The following GRAMD4 variants were observed in gnomAD, a reference collection of about 807,000 sequenced individuals.
GRAMD4 encodes the protein GRAM domain containing 4.
Under a neutral mutation model 83.9 loss-of-function variants are expected in GRAMD4, and 25 were observed. The ratio of observed to expected loss-of-function variants is 0.30; its 90% CI spans 0.22 to 0.42. GRAMD4 has a LOEUF of 0.42. Ranked by LOEUF, GRAMD4 falls within the 10% of genes least tolerant of loss-of-function variation. The pLI is 1.00. For missense variants in GRAMD4, 593 were observed against 788.7 expected (o/e 0.75, Z 2.97); for synonymous variants, 336 against 320.9 (o/e 1.05, Z -0.50).
At chr22:46,663,949 A>G (rs2082369723) in intron 7 of GRAMD4, 77 bp from the exon 8 acceptor site, 2 of 1,577,562 alleles carry the variant, frequency 1.3e-6, no homozygotes, top group Admixed American at 3.3e-5. Flanking sequence ...TTCTGAGCTG[A>G]ACCGACTCTC....
chr22:46,633,669 G>A (rs2081811829), intron 2 of GRAMD4, among the ~76,000 whole-genome samples: 1 of 152,238 alleles, frequency 6.6e-6, no homozygotes, highest in Non-Finnish European at 1.5e-5. Context: ...ACCCCAGCCT[G>A]CCTTGTCACC....
chr22:46,631,032 C>T (rs1174425848), intron 2 of GRAMD4, among the ~76,000 whole-genome samples: 1 of 152,242 alleles, frequency 6.6e-6, no homozygotes, highest in South Asian at 2.1e-4. Flanking sequence ...CTTCTCTCTC[C>T]ACCGCCCCGA....
At chr22:46,645,515 G>T (rs2082060716) in intron 3 of GRAMD4, among the ~76,000 whole-genome samples, 1 of 152,174 alleles carries the variant, frequency 6.6e-6, no homozygotes, top group Non-Finnish European at 1.5e-5. Flanking sequence ...CCCGTTTGGG[G>T]CCTCAGCTCC....
intron 1 of GRAMD4, among the ~76,000 whole-genome samples, chr22:46,583,337 A>AT (rs1448822314): frequency 2.6e-5 from 4 of 152,256 alleles, no homozygotes; most frequent in Non-Finnish European, 5.9e-5. Flanking sequence ...AACATCTTAC[A>AT]TTAGTATGAT....
chr22:46,616,412 G>A (rs144110962), upstream of GRAMD4, among the ~76,000 whole-genome samples: 41,626 of 56,350 alleles, frequency 0.74, 15,388 homozygotes, highest in East Asian at 0.89. Flanking sequence ...TCCCCTGTGC[G>A]TGTAGGTTCC....
At chr22:46,652,648 G>A (rs2082183385) in intron 3 of GRAMD4, among the ~76,000 whole-genome samples, 2 of 152,202 alleles carry the variant, frequency 1.3e-5, no homozygotes, top group Non-Finnish European at 2.9e-5. Context: ...CTCAGTGTCT[G>A]TGAGCAGCTC....
intron 1 of GRAMD4, among the ~76,000 whole-genome samples, chr22:46,601,563 A>T (rs554905264): frequency 6.6e-6 from 1 of 152,150 alleles, no homozygotes; most frequent in South Asian, 2.1e-4. Flanking sequence ...TTGGGAGGCT[A>T]AGGCGGGGGG....
chr22:46,653,644 G>A (rs2082199160), intron 3 of GRAMD4, among the ~76,000 whole-genome samples: 1 of 152,188 alleles, frequency 6.6e-6, no homozygotes, highest in Admixed American at 6.5e-5. Context: ...CCAGGAAGGG[G>A]CGTAGGGGGC....
intron 14 of GRAMD4, 101 bp from the exon 15 acceptor site, chr22:46,673,569 T>G: frequency 7.0e-7 from 1 of 1,428,612 alleles, no homozygotes; most frequent in Non-Finnish European, 9.6e-7. Flanking sequence ...TCTTCCCAAA[T>G]TTGGATCCCA....
rs954698303 is a variant in GRAMD4 at position 46,676,652 on chromosome 22, C to T, written c.1616C>T (p.Thr539Met). The change falls in exon 18 of 19, where the codon ACG (threonine) becomes ATG (methionine). Residue 539 changes from threonine to methionine, a missense_variant. Physicochemically the swap from Thr to Met is moderately conservative, Grantham distance 81. Transcript: ENST00000406902. ...PGSGMGIAVS[T>M]PSTQKPLVFG... ...TCAGGCATGGGGATTGCCGTGTCGA[C>T]GCCATCCACCCAGAAAGTAGGTGCC... 10 of 1,548,612 alleles carry T rather than the reference C, an allele frequency of 6.5e-6. No homozygotes were observed. Among genetic ancestry groups the T allele is most frequent in the African/African-American group, 1.4e-5 (1 of 73,016 alleles).
At chr22:46,603,515 C>CTTTTTTTTTTTTTTTTTTTTTT (rs71192425) in intron 1 of GRAMD4, among the ~76,000 whole-genome samples, 5 of 81,590 alleles carry the variant, frequency 6.1e-5, no homozygotes, top group African/African-American at 2.2e-4. Flanking sequence ...GGCCTCTTCT[C>CTTTTTTTTTTTTTTTTTTTTTT]TTTTTTTTTT....
intron 3 of GRAMD4, among the ~76,000 whole-genome samples, chr22:46,652,239 A>C (rs953645658): frequency 8.5e-5 from 13 of 152,116 alleles, no homozygotes; most frequent in African/African-American, 2.9e-4. Context: ...GATGGCAGGA[A>C]GGTCAGAGGA....
At chr22:46,596,884 C>T (rs937790088) in intron 1 of GRAMD4, among the ~76,000 whole-genome samples, 1 of 152,098 alleles carries the variant, frequency 6.6e-6, no homozygotes, top group African/African-American at 2.4e-5. Flanking sequence ...TTCTTTTGTC[C>T]TCTTGGGGCC....
intron 17 of GRAMD4, among the ~76,000 whole-genome samples, 179 bp downstream of exon 17, chr22:46,675,731 C>T (rs2147425214): frequency 6.6e-6 from 1 of 152,342 alleles, no homozygotes; most frequent in Non-Finnish European, 1.5e-5. Flanking sequence ...TGGGTCTGCC[C>T]CTGCCCTGGG....
intron 15 of GRAMD4, 101 bp from the exon 16 acceptor site, chr22:46,674,556 C>A: frequency 1.2e-6 from 1 of 851,748 alleles, no homozygotes; most frequent in Non-Finnish European, 2.0e-6. Flanking sequence ...GCGCGGTGGG[C>A]GGATGTCAGG....
chr22:46,616,047 C>G (rs1255736283), upstream of GRAMD4, among the ~76,000 whole-genome samples: 2 of 123,956 alleles, frequency 1.6e-5, no homozygotes, highest in African/African-American at 6.3e-5. Flanking sequence ...TGTAGGTTCC[C>G]CTGTGCGTGT....
chr22:46,659,995 G>T lies in GRAMD4; in HGVS notation c.405-1386G>T, dbSNP rs1427779135. Among the ~76,000 whole-genome samples, 1 of 152,192 alleles carries T rather than the reference G, an allele frequency of 6.6e-6. No individual in the cohort carries two copies. On this transcript the variant is annotated intron_variant, in intron 4 of 18. Coordinates refer to ENST00000406902, the MANE Select transcript of GRAMD4 (RefSeq NM_015124.5). This position sits in a 1 kb window ranked among gnomAD's most constrained non-coding sequence, Gnocchi z 4.1. ...TTGGCCACAGTGCCATCCCCGCCAC[G>T]GGACGCTGCTTCTCCCCCGGTGGCT... is the stretch of plus-strand genomic sequence containing the variant.
intron 1 of GRAMD4, among the ~76,000 whole-genome samples, chr22:46,597,506 T>C (rs911636435): frequency 6.6e-6 from 1 of 152,218 alleles, no homozygotes; most frequent in Admixed American, 6.5e-5. Flanking sequence ...TATTTATTTT[T>C]TGAGACGGAG....
downstream of GRAMD4, among the ~76,000 whole-genome samples, chr22:46,682,138 C>T (rs986318662): frequency 2.6e-5 from 4 of 152,178 alleles, no homozygotes; most frequent in East Asian, 1.9e-4. Context: ...CTGGGGCCCT[C>T]GGGTCCACGT....
Sources: allele counts gnomAD v4.1 joint callset (sites outside exome capture counted in the v4.1 genomes callset), GRCh38; gene constraint gnomAD v4.1.1; non-coding constraint Gnocchi (gnomAD v3.1); transcripts MANE v1.5; gene names NCBI Gene and HGNC (gene_info 2026-07-23, HGNC 2026-07-21).